The following L3MBTL4 variants were observed in gnomAD, a reference collection of about 807,000 sequenced individuals.
L3MBTL4 encodes the protein lethal(3)malignant brain tumor-like protein 4.
Under a neutral mutation model 84.5 loss-of-function variants are expected in L3MBTL4, and 70 were observed. The observed-to-expected ratio is 0.83, with a 90% confidence interval of 0.68 to 1.01. The LOEUF (loss-of-function observed/expected upper bound fraction) is 1.01. Ranked by LOEUF, L3MBTL4 falls within the 50% of genes least tolerant of loss-of-function variation. The pLI is 0.00. For missense variants in L3MBTL4, 715 were observed against 754.8 expected (o/e 0.95, Z 0.62); for synonymous variants, 274 against 259.8 (o/e 1.05, Z -0.52).
rs1174776012 is a variant in L3MBTL4, at chr18:6,142,446, A to T, written c.1097-4150T>A. 2.0e-5 allele frequency among the ~76,000 whole-genome samples: 3 copies of T among 152,258 alleles called. No homozygotes were observed. In the East Asian group the frequency reaches 5.8e-4, roughly 29 times the overall value. ...TATTAAAACAAATATTTAAGCCTCA[A>T]ATATATTTTCATTACATTTACTGAA... On this transcript the variant is annotated intron_variant, in intron 13 of 18. Coordinates refer to ENST00000317931, the MANE Select transcript of L3MBTL4 (RefSeq NM_001330559.2).
chr18:6,309,945 T>C (rs2146928890), intron 3 of L3MBTL4, among the ~76,000 whole-genome samples: 1 of 152,336 alleles, frequency 6.6e-6, no homozygotes, highest in African/African-American at 2.4e-5. Flanking sequence ...CCTAGGACAA[T>C]GGTTCTCAAA....
At chr18:6,193,538 G>T (rs1189929198) in intron 12 of L3MBTL4, among the ~76,000 whole-genome samples, 1 of 152,246 alleles carries the variant, frequency 6.6e-6, no homozygotes, top group Non-Finnish European at 1.5e-5. Flanking sequence ...AGAACCTTCA[G>T]AAAAGAGGGT....
intron 16 of L3MBTL4, among the ~76,000 whole-genome samples, chr18:6,004,388 C>G (rs534109038): frequency 2.2e-4 from 34 of 152,264 alleles, no homozygotes; most frequent in Non-Finnish European, 1.2e-4. Context: ...GTAATCAACA[C>G]CCCCTTGTTA....
chr18:6,239,144 A>T (rs1261062250), intron 9 of L3MBTL4, among the ~76,000 whole-genome samples: 1 of 151,912 alleles, frequency 6.6e-6, no homozygotes, highest in African/African-American at 2.4e-5. Flanking sequence ...GATCGAGACC[A>T]TCCCGGCTAA....
chr18:6,027,165 T>C (rs2055545635), intron 16 of L3MBTL4, among the ~76,000 whole-genome samples: 1 of 152,154 alleles, frequency 6.6e-6, no homozygotes. Context: ...TAGGTATTTG[T>C]CCTAATGCTC....
chr18:6,025,652 A>AT (rs1432833732), intron 16 of L3MBTL4, among the ~76,000 whole-genome samples: 2 of 152,148 alleles, frequency 1.3e-5, no homozygotes, highest in East Asian at 1.9e-4. Flanking sequence ...CGTGGAAGAC[A>AT]TTTTTTCCAC....
chr18:6,037,388 T>C (rs2056190783), intron 16 of L3MBTL4, among the ~76,000 whole-genome samples: 1 of 152,222 alleles, frequency 6.6e-6, no homozygotes, highest in Admixed American at 6.5e-5. Context: ...TCCAAGACTC[T>C]GGAGTTCCAA....
chr18:6,257,422 G>A (rs1056762711), intron 5 of L3MBTL4, among the ~76,000 whole-genome samples: 16 of 151,848 alleles, frequency 1.1e-4, no homozygotes, highest in African/African-American at 3.9e-4. Flanking sequence ...CTGACCCAAA[G>A]GTCAGGTTGC....
chr18:6,185,357 C>T (rs2044673901), intron 12 of L3MBTL4, among the ~76,000 whole-genome samples: 1 of 152,180 alleles, frequency 6.6e-6, no homozygotes, highest in Non-Finnish European at 1.5e-5. Context: ...GCCAAGGACA[C>T]AGCCCTTTAT....
intron 12 of L3MBTL4, among the ~76,000 whole-genome samples, chr18:6,205,581 G>A (rs1334616343): frequency 6.6e-6 from 1 of 152,068 alleles, no homozygotes; most frequent in East Asian, 1.9e-4. Flanking sequence ...CTACATTCTG[G>A]AAATATATTA....
chr18:6,002,439 C>T (rs2054254794), intron 16 of L3MBTL4, among the ~76,000 whole-genome samples: 1 of 152,066 alleles, frequency 6.6e-6, no homozygotes, highest in African/African-American at 2.4e-5. Context: ...CACTTTGCTT[C>T]TTATTTTCTA....
chr18:6,213,444 C>T (rs1050180750), intron 11 of L3MBTL4, among the ~76,000 whole-genome samples, 185 bp from the exon 12 acceptor site: 4 of 152,104 alleles, frequency 2.6e-5, no homozygotes, highest in African/African-American at 9.7e-5. Context: ...TGGAGTTTCA[C>T]TCTTGTTGCC....
At chr18:6,354,034 A>G (rs2053323683) in intron 1 of L3MBTL4, among the ~76,000 whole-genome samples, 1 of 152,208 alleles carries the variant, frequency 6.6e-6, no homozygotes, top group Non-Finnish European at 1.5e-5. Context: ...TGCAAATTAT[A>G]CTACAGAGCT....
At chr18:6,167,746 C>T (rs569967457) in intron 13 of L3MBTL4, among the ~76,000 whole-genome samples, 55 of 152,268 alleles carry the variant, frequency 3.6e-4, no homozygotes, top group African/African-American at 1.3e-3. Context: ...AAACTGGAAG[C>T]ATTCCCTTTG....
chr18:6,368,603 T>G (rs1568563745), intron 1 of L3MBTL4, among the ~76,000 whole-genome samples: 1 of 152,144 alleles, frequency 6.6e-6, no homozygotes, highest in Non-Finnish European at 1.5e-5. Context: ...ACAGAAAGTT[T>G]AAGAGACTTC....
chr18:6,086,828 G>T (rs1372764732), intron 15 of L3MBTL4, among the ~76,000 whole-genome samples: 1 of 151,860 alleles, frequency 6.6e-6, no homozygotes, highest in African/African-American at 2.4e-5. Flanking sequence ...CTGAAAATTG[G>T]CTCCACACAA....
intron 12 of L3MBTL4, among the ~76,000 whole-genome samples, chr18:6,202,952 C>T (rs1433024309): frequency 6.6e-6 from 1 of 152,148 alleles, no homozygotes; most frequent in African/African-American, 2.4e-5. Flanking sequence ...GAATGGATGA[C>T]CTCACTTAAG....
intron 12 of L3MBTL4, among the ~76,000 whole-genome samples, chr18:6,192,493 A>G (rs1315390744): frequency 6.6e-6 from 1 of 152,044 alleles, no homozygotes; most frequent in Non-Finnish European, 1.5e-5. Context: ...GGTGCTGGCA[A>G]TATGTGTGAG....
At chr18:6,228,315 G>T (rs2046858856) in intron 10 of L3MBTL4, among the ~76,000 whole-genome samples, 1 of 152,012 alleles carries the variant, frequency 6.6e-6, no homozygotes, top group African/African-American at 2.4e-5. Flanking sequence ...TAGAATAAAA[G>T]AAAATATTGT....
Sources: allele counts gnomAD v4.1 joint callset (sites outside exome capture counted in the v4.1 genomes callset), GRCh38; gene constraint gnomAD v4.1.1; transcripts MANE v1.5; gene names NCBI Gene and HGNC (gene_info 2026-07-23, HGNC 2026-07-21).